The following LYRM4 variants were observed in gnomAD, a reference collection of about 807,000 sequenced individuals.
LYRM4 encodes the protein LYR motif-containing protein 4.
LYRM4 carries 9 observed loss-of-function variants against 11.7 expected under a neutral mutation model. The observed-to-expected ratio is 0.77, with a 90% confidence interval of 0.46 to 1.34. LYRM4 has a LOEUF of 1.34. Among genes scored for constraint, LYRM4 ranks in the 40% most tolerant of loss-of-function variants. LYRM4 has a pLI of 0.00. For missense variants in LYRM4, 133 were observed against 112.5 expected, an observed-to-expected ratio of 1.18 and a Z score of -0.82; for synonymous variants, 42 against 40.4, an observed-to-expected ratio of 1.04 and a Z score of -0.15.
chr6:5,197,399 C>A (rs1331650522), intron 2 of LYRM4, among the ~76,000 whole-genome samples: 1 of 152,158 alleles, frequency 6.6e-6, no homozygotes, highest in East Asian at 1.9e-4. Context: ...TTTGGCCGGG[C>A]ACGGTGGCTC....
intron 1 of LYRM4, among the ~76,000 whole-genome samples, chr6:5,218,723 G>A (rs1468231775): frequency 6.6e-6 from 1 of 152,160 alleles, no homozygotes; most frequent in Non-Finnish European, 1.5e-5. Context: ...CTAAATAACT[G>A]GGGCTCATTC....
intron 2 of LYRM4, among the ~76,000 whole-genome samples, chr6:5,171,998 G>T (rs1392973672): frequency 6.6e-6 from 1 of 152,154 alleles, no homozygotes; most frequent in Non-Finnish European, 1.5e-5. Context: ...GCAATAGAGG[G>T]TCATGGACAG....
chr6:5,188,570 C>T (rs933287139), intron 2 of LYRM4, among the ~76,000 whole-genome samples: 1 of 152,098 alleles, frequency 6.6e-6, no homozygotes, highest in Non-Finnish European at 1.5e-5. Flanking sequence ...TTAAGAGCTT[C>T]GGATCTTAGT....
intron 2 of LYRM4, among the ~76,000 whole-genome samples, chr6:5,213,386 G>A (rs1762086028): frequency 6.6e-6 from 1 of 152,218 alleles, no homozygotes; most frequent in Non-Finnish European, 1.5e-5. Flanking sequence ...GCCACCCTCT[G>A]AAGAATGAGT....
chr6:5,169,870 G>A (rs546249084), intron 2 of LYRM4, among the ~76,000 whole-genome samples: 23 of 152,316 alleles, frequency 1.5e-4, no homozygotes, highest in Non-Finnish European at 2.2e-4. Context: ...ATGCTCCAAC[G>A]GTAGGATAAC....
intron 2 of LYRM4, among the ~76,000 whole-genome samples, chr6:5,207,705 T>C (rs920114450): frequency 1.3e-5 from 2 of 152,204 alleles, no homozygotes; most frequent in Non-Finnish European, 2.9e-5. Flanking sequence ...AATAAGGTGG[T>C]TGAACTTTCA....
At chr6:5,175,527 G>T (rs890999550) in intron 2 of LYRM4, among the ~76,000 whole-genome samples, 3 of 152,056 alleles carry the variant, frequency 2.0e-5, no homozygotes, top group African/African-American at 7.2e-5. Context: ...AATTAAAGAA[G>T]AAAATCAGGA....
At chr6:5,162,742 C>T (rs1224357784) in intron 2 of LYRM4, among the ~76,000 whole-genome samples, 1 of 152,104 alleles carries the variant, frequency 6.6e-6, no homozygotes, top group African/African-American at 2.4e-5. Flanking sequence ...TGCAATCATA[C>T]ACAATGCCAA....
downstream of LYRM4, among the ~76,000 whole-genome samples, chr6:5,099,191 G>T (rs1056867393): frequency 2.1e-5 from 3 of 145,744 alleles, no homozygotes; most frequent in African/African-American, 7.6e-5. This position sits in a 1 kb window ranked among gnomAD's most constrained non-coding sequence, Gnocchi z 4.3. Context: ...TTAGTTGAAG[G>T]TATATACTTA....
intron 2 of LYRM4, among the ~76,000 whole-genome samples, chr6:5,140,489 T>C (rs2127623262): frequency 6.6e-6 from 1 of 152,292 alleles, no homozygotes; most frequent in African/African-American, 2.4e-5. Context: ...GGCTGTGGCG[T>C]TGAAGGACAC....
chr6:5,089,604 C>G, the LYRM4 span: 1 of 152,134 alleles, frequency 6.6e-6, no homozygotes, highest in Non-Finnish European at 1.5e-5. Flanking sequence ...AACACCATTA[C>G]TGATTTTCAA....
At chr6:5,232,897 G>T (rs980913987) in intron 1 of LYRM4, among the ~76,000 whole-genome samples, 3 of 152,200 alleles carry the variant, frequency 2.0e-5, no homozygotes, top group Non-Finnish European at 4.4e-5. Flanking sequence ...TTCCCTGTGG[G>T]TGTTTAGCAT....
At chr6:5,115,156 G>A (rs1335704454) in intron 2 of LYRM4, among the ~76,000 whole-genome samples, 1 of 152,108 alleles carries the variant, frequency 6.6e-6, no homozygotes, top group Admixed American at 6.5e-5. Context: ...TTAATGCTAG[G>A]ATTATCATTC....
At chr6:5,089,670 A>T in the LYRM4 span, among the ~76,000 whole-genome samples, 1 of 152,240 alleles carries the variant, frequency 6.6e-6, no homozygotes, top group African/African-American at 2.4e-5. Flanking sequence ...TCATAATATA[A>T]TGAGCATCCA....
chr6:5,094,462 T>A, the LYRM4 span, among the ~76,000 whole-genome samples: 1 of 152,228 alleles, frequency 6.6e-6, no homozygotes. Context: ...CCAGCCTGGA[T>A]GATAGAGTGA....
chr6:5,062,083 T>TC, the LYRM4 span, among the ~76,000 whole-genome samples: 1 of 97,904 alleles, frequency 1.0e-5, no homozygotes, highest in African/African-American at 3.7e-5. Flanking sequence ...TCCTTCTTCT[T>TC]TTTTTTTTTT....
At chr6:5,254,360 G>A (rs1228841738) in intron 1 of LYRM4, among the ~76,000 whole-genome samples, 1 of 152,182 alleles carries the variant, frequency 6.6e-6, no homozygotes, top group African/African-American at 2.4e-5. Flanking sequence ...CTTTCCAAGA[G>A]TTTGTAGAAT....
At chr6:5,200,452 A>G (rs1374879534) in intron 2 of LYRM4, among the ~76,000 whole-genome samples, 2 of 152,216 alleles carry the variant, frequency 1.3e-5, no homozygotes, top group East Asian at 3.8e-4. Flanking sequence ...GTGGAAGCAC[A>G]TGAAATTTTC....
the LYRM4 span, chr6:5,066,951 C>G: frequency 1.9e-6 from 2 of 1,075,880 alleles, no homozygotes; most frequent in South Asian, 2.7e-5. Context: ...GAGCCTCAGC[C>G]GAGGAGGAAA....
Sources: allele counts gnomAD v4.1 joint callset (sites outside exome capture counted in the v4.1 genomes callset), GRCh38; gene constraint gnomAD v4.1.1; non-coding constraint Gnocchi (gnomAD v3.1); transcripts MANE v1.5; gene names NCBI Gene and HGNC (gene_info 2026-07-23, HGNC 2026-07-21).